Variants in CSMD1 observed in about 807,000 individuals in gnomAD.
CSMD1 encodes the protein CUB and sushi domain-containing protein 1.
In CSMD1, 213 loss-of-function variants were observed where a neutral mutation model predicts 417.5. That is an observed-to-expected ratio of 0.51 (90% CI 0.46 to 0.57). CSMD1 has a LOEUF of 0.57. Ranked by LOEUF, CSMD1 falls within the 20% of genes least tolerant of loss-of-function variation. The pLI, the probability that CSMD1 is intolerant of heterozygous loss-of-function variation, is 0.00. For missense variants in CSMD1, 6,923 were observed against 4,529.7 expected, an observed-to-expected ratio of 1.53 and a Z score of -15.17; for synonymous variants, 2,862 against 1,736.8, an observed-to-expected ratio of 1.65 and a Z score of -16.11.
intron 3 of CSMD1, among the ~76,000 whole-genome samples, chr8:4,297,358 G>C (rs542166010): frequency 8.6e-5 from 13 of 152,034 alleles, no homozygotes; most frequent in East Asian, 1.9e-4. Context: ...CAAAACAAAA[G>C]ATAAAAGATG....
chr8:4,751,553 A>G lies in CSMD1; in HGVS notation c.86-113995T>C, dbSNP rs535463967. The stretch of plus-strand genomic sequence containing the variant: ...TTTATCCCTTTAATTCCAAGATTTT[A>G]TGATCCTAATAGCTTAATCTCACCT... On this transcript the variant is annotated intron_variant, in intron 1 of 69. Coordinates refer to ENST00000635120, the MANE Select transcript of CSMD1 (RefSeq NM_033225.6). 2.0e-5 allele frequency among the ~76,000 whole-genome samples: 3 copies of G among 152,320 alleles called. No individual in the cohort carries two copies. In the South Asian group the frequency reaches 6.2e-4, roughly 32 times the overall value.
intron 3 of CSMD1, among the ~76,000 whole-genome samples, chr8:4,164,297 A>G (rs1797332135): frequency 6.6e-6 from 1 of 152,202 alleles, no homozygotes; most frequent in African/African-American, 2.4e-5. Context: ...TACAAATGAT[A>G]AATATAGAAT....
chr8:4,832,001 T>G (rs1800183437), intron 1 of CSMD1, among the ~76,000 whole-genome samples: 1 of 152,180 alleles, frequency 6.6e-6, no homozygotes, highest in African/African-American at 2.4e-5. Context: ...GCACACATAG[T>G]CACTTTCAAA....
At chr8:2,990,070 G>A (rs1240918003) in intron 54 of CSMD1, among the ~76,000 whole-genome samples, 1 of 152,220 alleles carries the variant, frequency 6.6e-6, no homozygotes, top group African/African-American at 2.4e-5. Context: ...GTCCCCCTGT[G>A]TGGAGGTAAC....
intron 3 of CSMD1, among the ~76,000 whole-genome samples, chr8:4,196,100 G>T (rs573320643): frequency 6.6e-6 from 1 of 152,210 alleles, no homozygotes; most frequent in Non-Finnish European, 1.5e-5. Context: ...AGTCCCAGCT[G>T]CTGGGGAGAC....
chr8:4,296,686 G>T (rs1371723002), intron 3 of CSMD1, among the ~76,000 whole-genome samples: 5 of 126,502 alleles, frequency 4.0e-5, no homozygotes, highest in African/African-American at 1.5e-4. Flanking sequence ...CTGAAAACAC[G>T]AAAATAAGGG....
In CSMD1 at chr8:3,518,005, T is replaced by G. The variant is rs537112581; in HGVS notation, c.1345-24279A>C. ...AATCATATAAATCATGTAGGTGAACTTAAGAAACAACTCTAGAAAATTATC... is the reference window on the plus strand; with the variant it reads ...AATCATATAAATCATGTAGGTGAACGTAAGAAACAACTCTAGAAAATTATC... On this transcript the variant is annotated intron_variant, in intron 10 of 69. Coordinates refer to ENST00000635120, the MANE Select transcript of CSMD1 (RefSeq NM_033225.6). 2.0e-5 allele frequency among the ~76,000 whole-genome samples: 3 copies of G among 152,262 alleles called. No individual in the cohort carries two copies. In the South Asian group the frequency reaches 6.2e-4, roughly 32 times the overall value.
intron 12 of CSMD1, among the ~76,000 whole-genome samples, chr8:3,442,633 G>C (rs867050203): frequency 6.6e-6 from 1 of 152,066 alleles, no homozygotes; most frequent in Non-Finnish European, 1.5e-5. Context: ...TTGTGTAAGT[G>C]CACTCCACGA....
intron 3 of CSMD1, among the ~76,000 whole-genome samples, chr8:4,410,508 AAG>A (rs1411974291): frequency 2.0e-5 from 3 of 152,336 alleles, no homozygotes; most frequent in East Asian, 3.9e-4. Context: ...GTTACTGTAT[AAG>A]AGAGACAGAA....
At chr8:3,407,378 T>C (rs545619061) in intron 14 of CSMD1, among the ~76,000 whole-genome samples, 9 of 147,734 alleles carry the variant, frequency 6.1e-5, no homozygotes, top group Admixed American at 3.4e-4. Context: ...AAACAATGGA[T>C]TGATGGAACG....
rs1158350586 is a variant in CSMD1 at position 3,036,871 on chromosome 8, T to C, written c.7661-7358A>G. Among the ~76,000 whole-genome samples the C allele has an allele frequency of 3.9e-5, 6 of 152,188 alleles. No homozygotes were observed. In the East Asian group the frequency reaches 5.8e-4, roughly 15 times the overall value. On this transcript the variant is annotated intron_variant, in intron 50 of 69. Transcript: ENST00000635120. Reference sequence around the variant, plus strand: ...TGGGGTACAAGCGTTTTTGGTTACATGGATAAGTTATCTAGGGGTGATTTC... The same window carrying C: ...TGGGGTACAAGCGTTTTTGGTTACACGGATAAGTTATCTAGGGGTGATTTC...
chr8:3,287,412 T>A (rs1456086684), intron 25 of CSMD1, among the ~76,000 whole-genome samples: 1 of 152,174 alleles, frequency 6.6e-6, no homozygotes, highest in East Asian at 1.9e-4. Flanking sequence ...ATTTTCACAA[T>A]ATTGATTCTT....
chr8:3,501,907 T>C (rs1374289661), intron 10 of CSMD1, among the ~76,000 whole-genome samples: 4 of 152,274 alleles, frequency 2.6e-5, no homozygotes, highest in African/African-American at 7.2e-5. Flanking sequence ...ATATCTACCA[T>C]AGATACTGGA....
chr8:3,732,238 C>T (rs909861232), intron 6 of CSMD1, among the ~76,000 whole-genome samples: 1 of 152,076 alleles, frequency 6.6e-6, no homozygotes, highest in African/African-American at 2.4e-5. Context: ...CCCGAGGCCA[C>T]CCTGCAGGGC....
At chr8:4,940,927 G>T (rs971102260) in intron 1 of CSMD1, among the ~76,000 whole-genome samples, 1 of 152,130 alleles carries the variant, frequency 6.6e-6, no homozygotes, top group Non-Finnish European at 1.5e-5. Context: ...AAGTGTTTGG[G>T]CAATATTTCT....
intron 26 of CSMD1, among the ~76,000 whole-genome samples, chr8:3,263,018 C>G (rs1201039098): frequency 1.3e-5 from 2 of 152,186 alleles, no homozygotes; most frequent in Non-Finnish European, 2.9e-5. Flanking sequence ...AATAAATCTC[C>G]TTGACCCATA....
At chr8:3,986,616 C>A (rs1156487888) in intron 5 of CSMD1, among the ~76,000 whole-genome samples, 1 of 152,068 alleles carries the variant, frequency 6.6e-6, no homozygotes, top group Non-Finnish European at 1.5e-5. Flanking sequence ...TGCAACATAC[C>A]TAAATCATGA....
intron 51 of CSMD1, among the ~76,000 whole-genome samples, chr8:3,027,634 C>T (rs1810032594): frequency 6.6e-6 from 1 of 152,178 alleles, no homozygotes; most frequent in African/African-American, 2.4e-5. Flanking sequence ...CCGCAAGCAG[C>T]AGGCAGCTGA....
chr8:3,301,468 G>A (rs182743666), intron 25 of CSMD1, among the ~76,000 whole-genome samples: 33 of 152,148 alleles, frequency 2.2e-4, no homozygotes, highest in Non-Finnish European at 4.4e-4. Context: ...AACTGATGAA[G>A]AGAAATGATG....
Sources: allele counts gnomAD v4.1 joint callset (sites outside exome capture counted in the v4.1 genomes callset), GRCh38; gene constraint gnomAD v4.1.1; transcripts MANE v1.5; gene names NCBI Gene and HGNC (gene_info 2026-07-23, HGNC 2026-07-21).